CYRIA: variants seen among roughly 807,000 people sequenced by gnomAD.
CYRIA encodes the protein CYFIP related Rac1 interactor A.
In CYRIA, 15 loss-of-function variants were observed where a neutral mutation model predicts 43.9. The ratio of observed to expected loss-of-function variants is 0.34; its 90% CI spans 0.23 to 0.53. CYRIA has a LOEUF of 0.53. CYRIA is among the 20% of genes least tolerant of loss of function. CYRIA has a pLI of 0.94. For synonymous variants in CYRIA, 117 were observed against 136.0 expected (o/e 0.86, Z 0.97); for missense variants, 236 against 394.2 (o/e 0.60, Z 3.40).
intron 1 of CYRIA, among the ~76,000 whole-genome samples, chr2:16,633,542 G>GT (rs1669393828): frequency 3.3e-5 from 4 of 123,056 alleles, no homozygotes; most frequent in African/African-American, 1.3e-4. Flanking sequence ...ACTATCCCTG[G>GT]CTTTTTTTTT....
At chr2:16,592,669 A>G (rs1345020796) in intron 2 of CYRIA, among the ~76,000 whole-genome samples, 1 of 152,112 alleles carries the variant, frequency 6.6e-6, no homozygotes, top group African/African-American at 2.4e-5. Flanking sequence ...CAAAGTAACA[A>G]TATGATGTGT....
In CYRIA at chr2:16,568,915, G is replaced by A. The variant is rs144261048; in HGVS notation, c.71-3148C>T. On this transcript the variant is annotated intron_variant, in intron 3 of 11. Coordinates refer to ENST00000381323, the MANE Select transcript of CYRIA (RefSeq NM_030797.4). The stretch of plus-strand genomic sequence containing the variant: ...TTAAAACTAAGTGGGCCAGAGAGGA[G>A]AGCTGGAAATTTTTTTTAAAAAAAT... Among the ~76,000 whole-genome samples the A allele has an allele frequency of 6.1e-3, 935 of 152,202 alleles. 7 individuals are homozygous for A. Among genetic ancestry groups the A allele is most frequent in the African/African-American group, 0.022 (904 of 41,514 alleles).
intron 2 of CYRIA, among the ~76,000 whole-genome samples, chr2:16,614,645 G>C (rs1286810214): frequency 6.6e-6 from 1 of 152,128 alleles, no homozygotes; most frequent in Non-Finnish European, 1.5e-5. Context: ...GGTCTGAGTT[G>C]CTCCCCAGCT....
chr2:16,587,217 C>A (rs1667761632), intron 3 of CYRIA, among the ~76,000 whole-genome samples: 1 of 152,034 alleles, frequency 6.6e-6, no homozygotes, highest in Admixed American at 6.6e-5. Flanking sequence ...TGGTATTGAT[C>A]ACAATTTTCT....
intron 1 of CYRIA, among the ~76,000 whole-genome samples, chr2:16,664,848 G>A (rs944228640): frequency 6.6e-6 from 1 of 152,204 alleles, no homozygotes; most frequent in African/African-American, 2.4e-5. Flanking sequence ...TCCCTGGGGA[G>A]CAGGCGGGTA....
intron 5 of CYRIA, 65 bp from the exon 6 acceptor site, chr2:16,562,206 A>G: frequency 6.5e-7 from 1 of 1,528,198 alleles, no homozygotes; most frequent in Non-Finnish European, 8.9e-7. Flanking sequence ...AAAGAACACA[A>G]TTCCCAGCCT....
chr2:16,626,316 A>T (rs1354281555), intron 1 of CYRIA, among the ~76,000 whole-genome samples: 1 of 152,122 alleles, frequency 6.6e-6, no homozygotes, highest in Non-Finnish European at 1.5e-5. Context: ...CAAAAAATAC[A>T]GACCCAATCC....
chr2:16,632,057 G>T (rs1264640442), intron 1 of CYRIA, among the ~76,000 whole-genome samples: 9 of 152,338 alleles, frequency 5.9e-5, no homozygotes, highest in Admixed American at 5.2e-4. Context: ...GACACTGTCA[G>T]GTGGCTTCTG....
chr2:16,569,632 A>G (rs559171867), intron 3 of CYRIA, among the ~76,000 whole-genome samples: 3 of 152,220 alleles, frequency 2.0e-5, no homozygotes, highest in Non-Finnish European at 4.4e-5. Flanking sequence ...GAAGAGAGTG[A>G]CAACTGGGAG....
At chr2:16,652,429 C>T (rs1206455906) in intron 1 of CYRIA, among the ~76,000 whole-genome samples, 1 of 152,168 alleles carries the variant, frequency 6.6e-6, no homozygotes, top group Non-Finnish European at 1.5e-5. Flanking sequence ...TCTTAGCCAT[C>T]CTCTCTCCCC....
chr2:16,584,833 T>C (rs879911270), intron 3 of CYRIA, among the ~76,000 whole-genome samples: 5 of 152,302 alleles, frequency 3.3e-5, no homozygotes, highest in East Asian at 3.9e-4. Flanking sequence ...TTAAGGCCCA[T>C]TCCAAATGCC....
At chr2:16,553,051 G>A in intron 11 of CYRIA, 52 bp from the exon 12 acceptor site, 2 of 1,140,972 alleles carry the variant, frequency 1.8e-6, no homozygotes, top group Admixed American at 1.7e-5. Flanking sequence ...CTCTGTGTAA[G>A]CTTCAGCCCA....
intron 1 of CYRIA, among the ~76,000 whole-genome samples, chr2:16,641,227 G>T (rs1170833817): frequency 1.3e-5 from 2 of 152,068 alleles, no homozygotes; most frequent in African/African-American, 2.4e-5. Context: ...CACTGACTAA[G>T]AAATAAAGCC....
intron 3 of CYRIA, among the ~76,000 whole-genome samples, chr2:16,571,371 GAGA>G (rs1318998595): frequency 1.3e-5 from 2 of 152,170 alleles, no homozygotes; most frequent in African/African-American, 4.8e-5. Flanking sequence ...GATGCTAATG[GAGA>G]AGAAGGTGGC....
chr2:16,560,835 C>T, intron 9 of CYRIA, 155 bp downstream of exon 9: 1 of 686,726 alleles, frequency 1.5e-6, no homozygotes, highest in South Asian at 1.7e-5. Context: ...GATAGTGACA[C>T]CTACCACTCA....
At chr2:16,638,091 T>G (rs1445720704) in intron 1 of CYRIA, among the ~76,000 whole-genome samples, 4 of 152,168 alleles carry the variant, frequency 2.6e-5, no homozygotes, top group African/African-American at 9.7e-5. Context: ...CACACCTGAA[T>G]AGCACACAGT....
rs111448785 is a variant in CYRIA at position 16,619,438 on chromosome 2, C to T, written c.-11+4426G>A. On this transcript the variant is annotated intron_variant, in intron 2 of 11. Transcript: ENST00000381323. ...ATATTCTACCCCAAGAGTTCCACCCCAAGAGTTCCAAAGGGAAGGTAGCAG... is the reference window on the plus strand; with the variant it reads ...ATATTCTACCCCAAGAGTTCCACCCTAAGAGTTCCAAAGGGAAGGTAGCAG... Among the ~76,000 whole-genome samples the T allele has an allele frequency of 3.9e-5, 6 of 152,136 alleles. 1 individual carries two copies. Among genetic ancestry groups the T allele is most frequent in the African/African-American group, 1.4e-4 (6 of 41,480 alleles).
chr2:16,582,911 T>C (rs1179314088), intron 3 of CYRIA, among the ~76,000 whole-genome samples: 1 of 152,210 alleles, frequency 6.6e-6, no homozygotes, highest in African/African-American at 2.4e-5. Flanking sequence ...GGTAGCTTTA[T>C]GTTTAAACTT....
At chr2:16,615,615 C>G (rs1288965452) in intron 2 of CYRIA, among the ~76,000 whole-genome samples, 1 of 152,186 alleles carries the variant, frequency 6.6e-6, no homozygotes, top group East Asian at 1.9e-4. Flanking sequence ...CAAATGAGAT[C>G]ACACAGAGGT....
Sources: allele counts gnomAD v4.1 joint callset (sites outside exome capture counted in the v4.1 genomes callset), GRCh38; gene constraint gnomAD v4.1.1; transcripts MANE v1.5; gene names NCBI Gene and HGNC (gene_info 2026-07-23, HGNC 2026-07-21).